Variants in SLC35B4 observed in about 807,000 individuals in gnomAD.
SLC35B4 encodes nucleotide sugar transporter SLC35B4.
SLC35B4 carries 28 observed loss-of-function variants against 39.5 expected under a neutral mutation model. That is an observed-to-expected ratio of 0.71 (90% CI 0.53 to 0.97). The LOEUF (loss-of-function observed/expected upper bound fraction) is 0.97, where lower values mean the gene tolerates loss of function less well. SLC35B4 is among the 50% of genes least tolerant of loss of function. SLC35B4 has a pLI of 0.00. For missense variants in SLC35B4, 334 were observed against 414.3 expected, an observed-to-expected ratio of 0.81 and a Z score of 1.68; for synonymous variants, 145 against 150.4, an observed-to-expected ratio of 0.96 and a Z score of 0.26.
intron 3 of SLC35B4, among the ~76,000 whole-genome samples, chr7:134,305,137 C>T (rs1803677352): frequency 6.6e-6 from 1 of 152,150 alleles, no homozygotes; most frequent in Non-Finnish European, 1.5e-5. Context: ...GCCCGGCCAA[C>T]ATGGTGAAAC....
rs1422934795 is a variant in SLC35B4, at chr7:134,289,839, A to G, written c.*4994T>C. 6.6e-6 allele frequency: 1 copy of G among 152,204 alleles called. No homozygotes were observed. The highest frequency in any genetic ancestry group is 1.9e-4 in the East Asian group (1 of 5,198). 9.4% of individuals were successfully genotyped at this position (152,204 alleles called of 1,614,324 possible). A position where few individuals can be genotyped will look rare whatever the true frequency, so the allele number is the denominator to read the frequency against. ...TATTACAACTTCTTTCTTAGAAAGT[A>G]TCAGTATTTCTGCTTTTCTTTTTTC... On this transcript the variant is annotated 3_prime_UTR_variant, in exon 10 of 10. Coordinates refer to ENST00000378509, the MANE Select transcript of SLC35B4 (RefSeq NM_032826.5).
chr7:134,319,085 A>G (rs1385810247), upstream of SLC35B4, among the ~76,000 whole-genome samples: 1 of 152,196 alleles, frequency 6.6e-6, no homozygotes, highest in African/African-American at 2.4e-5. Context: ...TCATTTGCTC[A>G]GAGAACTCTT....
rs1014685366 is a variant in SLC35B4, at chr7:134,301,557, G to A, written c.487+204C>T. Among the ~76,000 whole-genome samples, 3 of 152,170 alleles carry A rather than the reference G, an allele frequency of 2.0e-5. No individual in the cohort carries two copies. The East Asian group carries it at 5.8e-4, about 29-fold the overall frequency. Reference sequence around the variant, plus strand: ...AAGAAAAACATGGATCCATGTTGTAGAACATACTGCCATGAATGTGGGGGC... The same window carrying A: ...AAGAAAAACATGGATCCATGTTGTAAAACATACTGCCATGAATGTGGGGGC... On this transcript the variant is annotated intron_variant, in intron 6 of 9. Coordinates refer to ENST00000378509, the MANE Select transcript of SLC35B4 (RefSeq NM_032826.5).
Position 134,316,845 on chromosome 7 carries a change from G to A in SLC35B4, c.-94C>T. Reference sequence around the variant, plus strand: ...CGGCCTCCTGCCTCTTCGCTGCGCAGCACATCGCACCGTCCTGGAAAGCCG... The same window carrying A: ...CGGCCTCCTGCCTCTTCGCTGCGCAACACATCGCACCGTCCTGGAAAGCCG... On this transcript the variant is annotated 5_prime_UTR_variant, in exon 1 of 10. Coordinates refer to ENST00000378509, the MANE Select transcript of SLC35B4 (RefSeq NM_032826.5). The A allele has an allele frequency of 7.8e-7, 1 of 1,278,276 alleles. No homozygotes were observed. Among genetic ancestry groups the A allele is most frequent in the Non-Finnish European group, 1.1e-6 (1 of 916,020 alleles). 79.2% of individuals were successfully genotyped at this position (1,278,276 alleles called of 1,614,324 possible). A position where few individuals can be genotyped will look rare whatever the true frequency, so the allele number is the denominator to read the frequency against.
At chr7:134,295,289 A>C (rs182218814) in intron 9 of SLC35B4, 1 of 542,000 alleles carries the variant, frequency 1.8e-6, no homozygotes. Context: ...AAACCGCCAA[A>C]AAACCCCCAA....
At chr7:134,295,288 A>G (rs1415047313) in intron 9 of SLC35B4, 6 of 543,176 alleles carry the variant, frequency 1.1e-5, no homozygotes, top group African/African-American at 7.6e-5. Context: ...GAAACCGCCA[A>G]AAAACCCCCA....
At chr7:134,308,263 G>A (rs941518970) in intron 2 of SLC35B4, among the ~76,000 whole-genome samples, 2 of 152,170 alleles carry the variant, frequency 1.3e-5, no homozygotes, top group African/African-American at 4.8e-5. Context: ...GGATGAAGAG[G>A]TGGGAGGCAG....
At chr7:134,302,235 T>G in intron 4 of SLC35B4, 125 bp from the exon 5 acceptor site, 1 of 774,404 alleles carries the variant, frequency 1.3e-6, no homozygotes, top group Non-Finnish European at 2.1e-6. Context: ...ACAGGATTAC[T>G]TTCCAGCAGA....
intron 2 of SLC35B4, among the ~76,000 whole-genome samples, chr7:134,307,613 A>T (rs1362104241): frequency 6.6e-6 from 1 of 152,258 alleles, no homozygotes; most frequent in Non-Finnish European, 1.5e-5. Context: ...TGGCTAAAGA[A>T]TGCAGGGCAA....
rs1803348227 is a variant in SLC35B4 at position 134,292,293 on chromosome 7, T to TG, written c.*2539dup. The TG allele has an allele frequency of 6.5e-6, 1 of 152,810 alleles. No individual in the cohort carries two copies. The highest frequency in any genetic ancestry group is 1.5e-5 in the Non-Finnish European group (1 of 68,204). 9.5% of individuals were successfully genotyped at this position (152,810 alleles called of 1,614,324 possible). On this transcript the variant is annotated 3_prime_UTR_variant, in exon 10 of 10. Transcript: ENST00000378509. ...AAGAGTAGTTTTAAAAAGTATTAAC[T>TG]GGTGTCCATTAGACATATTTCCTTA... is the stretch of plus-strand genomic sequence containing the variant.
intron 3 of SLC35B4, among the ~76,000 whole-genome samples, 175 bp from the exon 4 acceptor site, chr7:134,305,029 T>C (rs1041574707): frequency 3.3e-5 from 5 of 152,122 alleles, no homozygotes; most frequent in Admixed American, 6.6e-5. Flanking sequence ...ACCATAAAAA[T>C]CTACTATGAT....
chr7:134,300,313 T>C (rs1803552565), intron 6 of SLC35B4, 52 bp from the exon 7 acceptor site: 2 of 1,327,356 alleles, frequency 1.5e-6, no homozygotes, highest in Non-Finnish European at 2.1e-6. Flanking sequence ...CATTTCCAGA[T>C]GTTTTTCTTG....
At position 134,294,794 on chromosome 7, in the gene SLC35B4, C is replaced by A. The variant is rs909727128; in HGVS notation, c.*39G>T. 1.2e-6 allele frequency: 2 copies of A among 1,607,400 alleles called. No individual in the cohort carries two copies. The highest frequency in any genetic ancestry group is 1.7e-5 in the Admixed American group (1 of 59,842). The stretch of plus-strand genomic sequence containing the variant: ...GTGGTCAGACCTTCACAGGGTCCCA[C>A]CCTCACGACGACACTGGTCTACGTA... On this transcript the variant is annotated 3_prime_UTR_variant, in exon 10 of 10. Coordinates refer to ENST00000378509, the MANE Select transcript of SLC35B4 (RefSeq NM_032826.5).
At position 134,292,135 on chromosome 7, in the gene SLC35B4, G is replaced by A. The variant is rs1469319983; in HGVS notation, c.*2698C>T. ...AGAGAAAGAGGAGAGACATTTAATA[G>A]ACATTTCTCTTCCAGTTAAGTAGGA... On this transcript the variant is annotated 3_prime_UTR_variant, in exon 10 of 10. Transcript: ENST00000378509. 1 of 154,892 alleles carries A rather than the reference G, an allele frequency of 6.5e-6. No homozygotes were observed. The highest frequency in any genetic ancestry group is 2.4e-5 in the African/African-American group (1 of 41,650). 9.6% of individuals were successfully genotyped at this position (154,892 alleles called of 1,614,324 possible). A position where few individuals can be genotyped will look rare whatever the true frequency, so the allele number is the denominator to read the frequency against.
At chr7:134,307,661 G>A (rs920074713) in intron 2 of SLC35B4, among the ~76,000 whole-genome samples, 1 of 152,192 alleles carries the variant, frequency 6.6e-6, no homozygotes, top group African/African-American at 2.4e-5. Flanking sequence ...AGGAAATGTT[G>A]ATCTTGGAGA....
At chr7:134,317,591 G>T (rs1804019420), upstream of SLC35B4, among the ~76,000 whole-genome samples, 1 of 152,194 alleles carries the variant, frequency 6.6e-6, no homozygotes, top group Non-Finnish European at 1.5e-5. Context: ...CAAATCACCT[G>T]GGGGCTTTGA....
upstream of SLC35B4, among the ~76,000 whole-genome samples, chr7:134,317,968 G>T (rs1804028574): frequency 6.6e-6 from 1 of 152,184 alleles, no homozygotes; most frequent in African/African-American, 2.4e-5. Flanking sequence ...CGTTGTAATT[G>T]AATCCAACAG....
chr7:134,316,608 G>A, intron 1 of SLC35B4, 67 bp downstream of exon 1: 1 of 1,500,874 alleles, frequency 6.7e-7, no homozygotes, highest in Non-Finnish European at 9.0e-7. Flanking sequence ...CGTCCCGGGG[G>A]GACCTCTCCT....
At chr7:134,319,172 C>G (rs1563221952), upstream of SLC35B4, among the ~76,000 whole-genome samples, 1 of 152,182 alleles carries the variant, frequency 6.6e-6, no homozygotes, top group Admixed American at 6.5e-5. Flanking sequence ...ATTTTACCAT[C>G]AACTCTCTTT....
Sources: gnomAD v4.1 joint callset for allele counts (sites outside exome capture counted in the v4.1 genomes callset) on GRCh38, gnomAD v4.1.1 for gene constraint, MANE v1.5 for transcripts, NCBI Gene and HGNC (gene_info 2026-07-23, HGNC 2026-07-21) for gene names.